Variants in ZRANB3 observed in about 807,000 individuals in gnomAD.
ZRANB3 encodes zinc finger RANBP2-type containing 3.
Under a neutral mutation model 133.8 loss-of-function variants are expected in ZRANB3, and 125 were observed. The observed-to-expected ratio is 0.93, with a 90% CI of 0.81 to 1.08. The LOEUF (loss-of-function observed/expected upper bound fraction) is 1.08, where lower values mean the gene tolerates loss of function less well. Among genes scored for constraint, ZRANB3 ranks in the 50% least tolerant of loss-of-function variants. The pLI is 0.00. For synonymous variants in ZRANB3, 387 were observed against 432.7 expected (o/e 0.89, Z 1.31); for missense variants, 1,229 against 1,275.5 (o/e 0.96, Z 0.56).
intron 8 of ZRANB3, among the ~76,000 whole-genome samples, chr2:135,296,619 G>T (rs1156868913): frequency 6.6e-6 from 1 of 152,150 alleles, no homozygotes; most frequent in African/African-American, 2.4e-5. Context: ...TCTGTTGCTG[G>T]TGAGGAGCTG....
chr2:135,360,979 C>T (rs971127035), intron 3 of ZRANB3, among the ~76,000 whole-genome samples: 5 of 152,068 alleles, frequency 3.3e-5, no homozygotes, highest in Admixed American at 2.6e-4. Context: ...GGGGGTCTCA[C>T]TTTGTTGTCC....
intron 6 of ZRANB3, among the ~76,000 whole-genome samples, chr2:135,319,610 T>C (rs2104832153): frequency 6.6e-6 from 1 of 152,316 alleles, no homozygotes; most frequent in South Asian, 2.1e-4. Context: ...GATTATCCTC[T>C]GGCTCTCTAC....
rs1680776864 is a variant in ZRANB3 at position 135,275,659 on chromosome 2, T to C, written c.1063A>G (p.Thr355Ala). 6.3e-7 allele frequency: 1 copy of C among 1,596,016 alleles called. No homozygotes were observed. The highest frequency in any genetic ancestry group is 8.5e-7 in the Non-Finnish European group (1 of 1,172,534). ...ACCTTATTTTCGATGACTGCTTCTG[T>C]GCAAGCTTGGAGCATGCTTAAATGG... ...AHHLSMLQAC[T>A]EAVIENKTRY... is the part of the protein sequence containing the mutation. Residue 355 changes from threonine (T) to alanine (A), a missense_variant, in exon 9 of 21, where the codon ACA becomes GCA. Transcript: ENST00000264159.
intron 2 of ZRANB3, among the ~76,000 whole-genome samples, chr2:135,466,969 T>C (rs927091164): frequency 6.6e-6 from 1 of 152,178 alleles, no homozygotes; most frequent in African/African-American, 2.4e-5. Flanking sequence ...TTATGATTTG[T>C]GATCTGAAAA....
At chr2:135,521,736 T>C (rs946359431) in intron 1 of ZRANB3, among the ~76,000 whole-genome samples, 1 of 152,184 alleles carries the variant, frequency 6.6e-6, no homozygotes, top group Non-Finnish European at 1.5e-5. Context: ...ATTGGCTTTA[T>C]ACGGCAGCAA....
intron 8 of ZRANB3, among the ~76,000 whole-genome samples, chr2:135,294,899 G>A (rs1331594958): frequency 1.3e-5 from 2 of 152,170 alleles, no homozygotes; most frequent in Non-Finnish European, 2.9e-5. Flanking sequence ...CCACGTAGTT[G>A]AGCAGTTTTG....
At chr2:135,497,516 C>T (rs1399045430) in intron 2 of ZRANB3, among the ~76,000 whole-genome samples, 4 of 152,176 alleles carry the variant, frequency 2.6e-5, no homozygotes, top group Non-Finnish European at 5.9e-5. Flanking sequence ...TCATTAGTTG[C>T]ACTAGCCACA....
intron 3 of ZRANB3, among the ~76,000 whole-genome samples, chr2:135,380,688 C>T (rs567409290): frequency 2.0e-4 from 31 of 152,124 alleles, no homozygotes; most frequent in Non-Finnish European, 4.1e-4. Context: ...ATTTATAGTA[C>T]TAAATGCCCT....
intron 9 of ZRANB3, among the ~76,000 whole-genome samples, chr2:135,272,311 CAT>C (rs1252807499): frequency 4.0e-5 from 6 of 151,066 alleles, no homozygotes; most frequent in African/African-American, 1.2e-4. Context: ...TACAGCCAGA[CAT>C]GTGAGAAAAG....
intron 2 of ZRANB3, among the ~76,000 whole-genome samples, chr2:135,409,987 T>C (rs965416515): frequency 6.6e-6 from 1 of 152,068 alleles, no homozygotes; most frequent in Admixed American, 6.6e-5. Context: ...AAATCATAGA[T>C]GACACAAACA....
chr2:135,476,569 AG>A (rs1374111645), intron 2 of ZRANB3, among the ~76,000 whole-genome samples: 2 of 152,186 alleles, frequency 1.3e-5, no homozygotes, highest in Non-Finnish European at 2.9e-5. Flanking sequence ...ATAAAACAAA[AG>A]GCAGTACTGT....
intron 8 of ZRANB3, among the ~76,000 whole-genome samples, chr2:135,309,569 C>A (rs1331984479): frequency 6.6e-6 from 1 of 151,782 alleles, no homozygotes; most frequent in Non-Finnish European, 1.5e-5. Context: ...ATAAGAAAAT[C>A]GATAATAATT....
At chr2:135,316,333 G>A (rs1022268773) in intron 6 of ZRANB3, among the ~76,000 whole-genome samples, 3 of 152,082 alleles carry the variant, frequency 2.0e-5, no homozygotes, top group African/African-American at 7.2e-5. Context: ...AAATCTAGTG[G>A]ATCAATTGAA....
chr2:135,334,782 C>T (rs1245393579), intron 6 of ZRANB3, among the ~76,000 whole-genome samples: 1 of 151,900 alleles, frequency 6.6e-6, no homozygotes, highest in East Asian at 1.9e-4. Context: ...GTAGTCCCAG[C>T]TACTTAGGAG....
At chr2:135,211,911 T>C (rs1035065026) in intron 17 of ZRANB3, among the ~76,000 whole-genome samples, 1 of 152,236 alleles carries the variant, frequency 6.6e-6, no homozygotes, top group African/African-American at 2.4e-5. Context: ...TCAAAGGTCT[T>C]AGGTGTTTTA....
At chr2:135,442,561 G>C (rs537837931) in intron 2 of ZRANB3, among the ~76,000 whole-genome samples, 1 of 152,202 alleles carries the variant, frequency 6.6e-6, no homozygotes, top group Non-Finnish European at 1.5e-5. Flanking sequence ...TGCTGGAGAG[G>C]ATGTGGAGAA....
rs77947867 is a variant in ZRANB3, at chr2:135,241,572, G to C, written c.1540-10645C>G. Among the ~76,000 whole-genome samples, 1,341 of 152,064 alleles carry C rather than the reference G, an allele frequency of 8.8e-3. 17 individuals carry two copies. The highest frequency in any genetic ancestry group is 0.029 in the African/African-American group (1,214 of 41,478). On this transcript the variant is annotated intron_variant, in intron 12 of 20. Coordinates refer to ENST00000264159, the MANE Select transcript of ZRANB3 (RefSeq NM_032143.4). ...CGTCCCTTCCTTGAGGGATGAATGG[G>C]GAATGGGAGGGTTTCCTGGGAACTT... is the stretch of plus-strand genomic sequence containing the variant.
intron 9 of ZRANB3, among the ~76,000 whole-genome samples, chr2:135,272,414 C>CTGTTTTTTTTTTT (rs1680562927): frequency 9.3e-6 from 1 of 107,774 alleles, no homozygotes; most frequent in African/African-American, 4.5e-5. Flanking sequence ...GAAAATAGAG[C>CTGTTTTTTTTTTT]TTTTTTTTTT....
intron 3 of ZRANB3, among the ~76,000 whole-genome samples, chr2:135,386,756 A>G (rs936034577): frequency 1.3e-5 from 2 of 152,000 alleles, no homozygotes; most frequent in Non-Finnish European, 1.5e-5. Flanking sequence ...AAAACTAAAC[A>G]CCGCATGTTC....
Sources: allele counts gnomAD v4.1 joint callset (sites outside exome capture counted in the v4.1 genomes callset), GRCh38; gene constraint gnomAD v4.1.1; transcripts MANE v1.5; gene names NCBI Gene and HGNC (gene_info 2026-07-23, HGNC 2026-07-21).